Variants in DOK4 observed in about 807,000 individuals in gnomAD.
DOK4 encodes docking protein 4.
DOK4 carries 26 observed loss-of-function variants against 40.1 expected under a neutral mutation model. That is an observed-to-expected ratio of 0.65 (90% CI 0.48 to 0.90). The LOEUF is 0.90. Among genes scored for constraint, DOK4 ranks in the 40% least tolerant of loss-of-function variants. DOK4 has a pLI of 0.00. For synonymous variants in DOK4, 179 were observed against 177.0 expected, an observed-to-expected ratio of 1.01 and a Z score of -0.09; for missense variants, 392 against 437.2, an observed-to-expected ratio of 0.90 and a Z score of 0.92.
chr16:57,475,559 G>T, exon 4 of DOK4: 1 of 1,609,954 alleles, frequency 6.2e-7, no homozygotes, highest in Non-Finnish European at 8.5e-7. Context: ...GATGGCCACC[G>T]CCTGCCGCTT....
rs770995980 is a variant in DOK4 at position 57,475,093 on chromosome 16, G to C, written c.409+7C>G. The C allele has an allele frequency of 4.3e-6, 7 of 1,612,870 alleles. No homozygotes were observed. The highest frequency in any genetic ancestry group is 5.9e-6 in the Non-Finnish European group (7 of 1,179,378). On this transcript the variant is annotated splice_region_variant and intron_variant, in intron 5 of 8. Transcript: ENST00000340099. ...TCCCCACCCCCAGGGCCAGGGCCCG[G>C]CCTCACCTGTCTGTTCACACTGCAC...
At chr16:57,476,735 A>G (rs2031198134) in intron 2 of DOK4, among the ~76,000 whole-genome samples, 1 of 152,224 alleles carries the variant, frequency 6.6e-6, no homozygotes, top group African/African-American at 2.4e-5. Flanking sequence ...CTCCTCCCAC[A>G]GCATGGTGCC....
At chr16:57,475,931 G>T (rs746949119) in exon 3 of DOK4, 1 of 1,613,406 alleles carries the variant, frequency 6.2e-7, no homozygotes, top group Admixed American at 1.7e-5. Flanking sequence ...AGGATTTCCG[G>T]AACACCAGCC....
chr16:57,481,798 A>T (rs1260696436), intron 1 of DOK4: 1 of 152,256 alleles, frequency 6.6e-6, no homozygotes, highest in Non-Finnish European at 1.5e-5. Context: ...TACCTACTTT[A>T]AATGAGGAAA....
intron 5 of DOK4, 31 bp from the exon 6 acceptor site, chr16:57,475,013 C>T: frequency 6.2e-7 from 1 of 1,600,050 alleles, no homozygotes; most frequent in Non-Finnish European, 8.5e-7. Context: ...CAAGTGGGAC[C>T]AGAGTTGCCC....
exon 8 of DOK4, chr16:57,473,669 G>A: frequency 8.7e-6 from 14 of 1,614,222 alleles, no homozygotes; most frequent in Non-Finnish European, 1.2e-5. Context: ...GTGCCAGTAG[G>A]CACTGCGCGG....
intron 4 of DOK4, 110 bp downstream of exon 4, chr16:57,475,396 C>T: frequency 7.3e-7 from 1 of 1,369,928 alleles, no homozygotes. Context: ...CCCACACACA[C>T]CACACCACCA....
chr16:57,472,661 C>T (rs2030913072), exon 9 of DOK4: 1 of 152,432 alleles, frequency 6.6e-6, no homozygotes, highest in Admixed American at 6.5e-5. Context: ...AGGTAATCAG[C>T]ACCCCTACCC....
At chr16:57,475,509 A>C (rs1317241454) in exon 4 of DOK4, 2 of 1,603,584 alleles carry the variant, frequency 1.2e-6, no homozygotes. Flanking sequence ...GCCTCACCTG[A>C]GTCGCAGGTG....
At chr16:57,473,193 T>TG in exon 9 of DOK4, 2 of 810,372 alleles carry the variant, frequency 2.5e-6, no homozygotes, top group South Asian at 3.7e-5. Flanking sequence ...CCCTCACACA[T>TG]GCTCAGGTGG....
Position 57,473,604 on chromosome 16 carries a change from G to A in DOK4, c.862+9C>T, listed in dbSNP as rs2030984693. On this transcript the variant is annotated intron_variant, in intron 8 of 8. Transcript: ENST00000340099. ...TGGCAGGTGGGTGTGGGGCATGGAA[G>A]CGACTCACCAGCATAGCTGGAGGCT... The A allele has an allele frequency of 1.2e-6, 2 of 1,614,266 alleles. No homozygotes were observed. Among genetic ancestry groups the A allele is most frequent in the Non-Finnish European group, 8.5e-7 (1 of 1,180,052 alleles).
intron 2 of DOK4, 139 bp from the exon 3 acceptor site, chr16:57,476,096 G>A: frequency 1.5e-6 from 1 of 682,638 alleles, no homozygotes; most frequent in East Asian, 2.7e-5. Context: ...GACACCGGGG[G>A]TGGGAGTCAC....
At position 57,475,869 on chromosome 16, in the gene DOK4, C is replaced by T. The variant is rs752079579; in HGVS notation, c.155G>A (p.Cys52Tyr). ...CCTAACCTTGGGGCAGCCCCGGAGGCACACCGACTTCTCATCTGGATACTT... is the reference window on the plus strand; with the variant it reads ...CCTAACCTTGGGGCAGCCCCGGAGGTACACCGACTTCTCATCTGGATACTT... The change falls in exon 3 of 9, where the codon TGC becomes TAC. Residue 52 changes from cysteine to tyrosine, a missense_variant. Coordinates refer to ENST00000340099, the Ensembl canonical transcript of DOK4. The T allele has an allele frequency of 3.7e-6, 6 of 1,613,148 alleles. No individual in the cohort carries two copies. The African/African-American group carries it at 8.0e-5, about 22-fold the overall frequency.
At position 57,475,166 on chromosome 16, in the gene DOK4, G is replaced by A. The variant is rs762140936; in HGVS notation, c.343C>T (p.Arg115Cys). The A allele has an allele frequency of 1.5e-5, 24 of 1,613,800 alleles. No individual in the cohort carries two copies. The South Asian group carries it at 1.6e-4, about 11-fold the overall frequency. The change falls in exon 5 of 9, where the codon CGC (arginine) becomes TGC (cysteine). Residue 115 changes from arginine (R) to cysteine (C), a missense_variant. Physicochemically the swap from Arg to Cys is radical, Grantham distance 180. Coordinates refer to ENST00000340099, the Ensembl canonical transcript of DOK4. ...TCTCCCAGACTGATGTCGTTGAGGCGGGACCCCAGACACTCCACAGATAGT... is the reference window on the plus strand; with the variant it reads ...TCTCCCAGACTGATGTCGTTGAGGCAGGACCCCAGACACTCCACAGATAGT...
chr16:57,475,979 C>T, intron 2 of DOK4, 22 bp from the exon 3 acceptor site: 2 of 1,597,094 alleles, frequency 1.3e-6, no homozygotes, highest in Non-Finnish European at 1.7e-6. Context: ...GATGACAGGG[C>T]TCAGGCCTCC....
In DOK4 at chr16:57,485,136, C is replaced by T. The variant is rs930793737; in HGVS notation, c.-182+1169G>A. On this transcript the variant is annotated intron_variant, in intron 1 of 8. Transcript: ENST00000340099. This position sits in a 1 kb window ranked among gnomAD's most constrained non-coding sequence, Gnocchi z 4.3. Reference sequence around the variant, plus strand: ...TGGGCTCCCAGCTCCTGGGTCTCAGCGCTGACTGGCATGGCCAGCAGGCTG... The same window carrying T: ...TGGGCTCCCAGCTCCTGGGTCTCAGTGCTGACTGGCATGGCCAGCAGGCTG... Among the ~76,000 whole-genome samples, 24 of 152,214 alleles carry T rather than the reference C, an allele frequency of 1.6e-4. No individual in the cohort carries two copies. Among genetic ancestry groups the T allele is most frequent in the Non-Finnish European group, 2.2e-4 (15 of 68,038 alleles).
chr16:57,484,777 A>AC (rs747635897), intron 1 of DOK4, among the ~76,000 whole-genome samples: 19 of 151,898 alleles, frequency 1.3e-4, no homozygotes, highest in Non-Finnish European at 2.5e-4. Context: ...TCACCAAAGG[A>AC]CCCCCACTAG....
intron 1 of DOK4, among the ~76,000 whole-genome samples, chr16:57,480,883 G>C (rs1298178498): frequency 2.0e-5 from 3 of 152,240 alleles, no homozygotes; most frequent in African/African-American, 7.2e-5. Context: ...GCCTGGGGCA[G>C]AGCCAGGGAT....
chr16:57,483,530 C>G (rs562615342), intron 1 of DOK4, among the ~76,000 whole-genome samples: 2 of 151,950 alleles, frequency 1.3e-5, no homozygotes, highest in Non-Finnish European at 2.9e-5. Context: ...CTGGGGAGGC[C>G]GAGGTGGGAG....
Sources: gnomAD v4.1 joint callset for allele counts (sites outside exome capture counted in the v4.1 genomes callset) on GRCh38, gnomAD v4.1.1 for gene constraint, Gnocchi (gnomAD v3.1) non-coding constraint, MANE v1.5 for transcripts, NCBI Gene and HGNC (gene_info 2026-07-23, HGNC 2026-07-21) for gene names.